The following DOCK2 variants were observed in gnomAD, a reference collection of about 807,000 sequenced individuals.
DOCK2 encodes the protein dedicator of cytokinesis 2.
In DOCK2, 87 loss-of-function variants were observed where a neutral mutation model predicts 248.9. That is an observed-to-expected ratio of 0.35 (90% confidence interval 0.29 to 0.42). DOCK2 has a LOEUF of 0.42. DOCK2 is among the 10% of genes least tolerant of loss of function. DOCK2 has a pLI of 1.00. For missense variants in DOCK2, 1,747 were observed against 2,300.2 expected (o/e 0.76, Z 4.92); for synonymous variants, 805 against 821.6 (o/e 0.98, Z 0.35).
intron 27 of DOCK2, among the ~76,000 whole-genome samples, chr5:169,847,532 A>G (rs1232487461): frequency 1.3e-5 from 2 of 152,214 alleles, no homozygotes; most frequent in African/African-American, 4.8e-5. Context: ...ATAATTGGCT[A>G]GTGACTTTAT....
At chr5:170,045,378 C>T (rs577835655) in intron 38 of DOCK2, among the ~76,000 whole-genome samples, 3 of 152,266 alleles carry the variant, frequency 2.0e-5, no homozygotes, top group East Asian at 3.9e-4. Flanking sequence ...TCACTAAACA[C>T]GAGCACGTGG....
At chr5:169,931,854 G>T (rs1276956404) in intron 27 of DOCK2, among the ~76,000 whole-genome samples, 1 of 152,212 alleles carries the variant, frequency 6.6e-6, no homozygotes, top group African/African-American at 2.4e-5. Context: ...CTTCTGAACT[G>T]CTTCCCTCCT....
rs1024610316 is a variant in DOCK2, at chr5:169,671,061, T to C, written c.225-17T>C. On this transcript the variant is annotated splice_polypyrimidine_tract_variant and intron_variant, in intron 4 of 51. Coordinates refer to ENST00000520908, the MANE Select transcript of DOCK2 (RefSeq NM_004946.3). ...TGGGTCTCAATTTCACACCACTTTT[T>C]CTCCCACCTTAAATAGAAATACTGA... 1.7e-5 allele frequency: 27 copies of C among 1,610,922 alleles called. No homozygotes were observed. Among genetic ancestry groups the C allele is most frequent in the Non-Finnish European group, 2.2e-5 (26 of 1,177,858 alleles).
intron 23 of DOCK2, among the ~76,000 whole-genome samples, chr5:169,749,294 G>T (rs756893053): frequency 6.6e-6 from 1 of 152,100 alleles, no homozygotes; most frequent in Non-Finnish European, 1.5e-5. Flanking sequence ...TCTATGGGAA[G>T]AAACCAGCAT....
intron 10 of DOCK2, among the ~76,000 whole-genome samples, chr5:169,697,833 G>C (rs1169315040): frequency 6.6e-6 from 1 of 152,060 alleles, no homozygotes; most frequent in African/African-American, 2.4e-5. Context: ...TCTTTACCTT[G>C]GTTTTGGGAC....
intron 22 of DOCK2, among the ~76,000 whole-genome samples, chr5:169,723,622 A>G (rs1018167864): frequency 1.1e-4 from 17 of 152,066 alleles, no homozygotes; most frequent in Non-Finnish European, 2.2e-4. Flanking sequence ...CTGTGGCTCA[A>G]GCTCCTTCCT....
intron 30 of DOCK2, among the ~76,000 whole-genome samples, chr5:169,999,257 A>G (rs58772180): frequency 0.026 from 3,976 of 152,242 alleles, 169 homozygotes; most frequent in African/African-American, 0.09. Context: ...GAGTGACTTT[A>G]GACAAATTAC....
At chr5:169,999,192 G>A (rs1453781907) in intron 30 of DOCK2, among the ~76,000 whole-genome samples, 2 of 152,198 alleles carry the variant, frequency 1.3e-5, no homozygotes, top group Non-Finnish European at 2.9e-5. Flanking sequence ...ATCTGTATTT[G>A]AGAGATGCTC....
intron 26 of DOCK2, among the ~76,000 whole-genome samples, chr5:169,837,272 C>A (rs183036941): frequency 2.0e-5 from 3 of 152,132 alleles, no homozygotes; most frequent in Non-Finnish European, 4.4e-5. Context: ...TACAAGCTAC[C>A]GTTTAGTTTG....
intron 27 of DOCK2, among the ~76,000 whole-genome samples, chr5:169,902,637 G>C (rs908011126): frequency 1.3e-5 from 2 of 152,204 alleles, no homozygotes; most frequent in Admixed American, 6.5e-5. Flanking sequence ...CTGGGTTCCT[G>C]GCATGATGCT....
At chr5:169,789,542 A>G (rs545303561) in intron 25 of DOCK2, among the ~76,000 whole-genome samples, 1 of 152,372 alleles carries the variant, frequency 6.6e-6, no homozygotes, top group African/African-American at 2.4e-5. Context: ...AGCTCATTAC[A>G]TGTCTTTAAC....
intron 32 of DOCK2, among the ~76,000 whole-genome samples, chr5:170,010,723 A>G (rs769797134): frequency 3.3e-5 from 5 of 152,252 alleles, no homozygotes; most frequent in Admixed American, 6.5e-5. Flanking sequence ...GATTCAGTTC[A>G]CTTCCAAGTT....
At chr5:170,011,688 A>G (rs566048326) in intron 32 of DOCK2, among the ~76,000 whole-genome samples, 2 of 152,330 alleles carry the variant, frequency 1.3e-5, no homozygotes, top group African/African-American at 4.8e-5. Context: ...CATGAGAATC[A>G]GCAGAAACAT....
At chr5:169,815,729 G>T (rs1479692177) in intron 26 of DOCK2, among the ~76,000 whole-genome samples, 21 of 152,082 alleles carry the variant, frequency 1.4e-4, no homozygotes. Flanking sequence ...TGCCCCCTAG[G>T]TTAGTGTCTA....
At chr5:169,916,389 C>T (rs1371821294) in intron 27 of DOCK2, among the ~76,000 whole-genome samples, 1 of 152,196 alleles carries the variant, frequency 6.6e-6, no homozygotes, top group African/African-American at 2.4e-5. Context: ...CAATTTCTGG[C>T]CCTCCTATCA....
intron 26 of DOCK2, among the ~76,000 whole-genome samples, chr5:169,829,848 G>A (rs180957121): frequency 6.6e-6 from 1 of 152,168 alleles, no homozygotes; most frequent in East Asian, 1.9e-4. Flanking sequence ...CTGCTTTTTT[G>A]TCTAAAGAGC....
At chr5:170,048,393 T>C (rs1348050571) in intron 40 of DOCK2, among the ~76,000 whole-genome samples, 1 of 151,972 alleles carries the variant, frequency 6.6e-6, no homozygotes, top group East Asian at 1.9e-4. Flanking sequence ...AGACCCTGTC[T>C]CAAAAAATAA....
At chr5:169,973,812 G>T (rs1396719767) in intron 27 of DOCK2, among the ~76,000 whole-genome samples, 2 of 152,090 alleles carry the variant, frequency 1.3e-5, no homozygotes, top group Non-Finnish European at 1.5e-5. Flanking sequence ...TTTACCAATT[G>T]GTCTATCTGT....
At position 170,080,192 on chromosome 5, in the gene DOCK2, C is replaced by T. The variant is rs1757978994; in HGVS notation, c.5196C>T (p.Asp1732=). 6.2e-7 allele frequency: 1 copy of T among 1,613,972 alleles called. No individual in the cohort carries two copies. The highest frequency in any genetic ancestry group is 1.7e-5 in the Admixed American group (1 of 60,006). ...RLSRKHEFMS[D]TNLSEHAAIP... is the part of the protein sequence containing the mutation. The stretch of plus-strand genomic sequence containing the variant: ...CCAGGAAGCATGAGTTCATGAGTGA[C>T]ACCAACCTCTCGGAGCATGCGGCCA... Residue 1732 remains aspartate (D), a synonymous_variant, in exon 50 of 52, where the codon GAC becomes GAT. Coordinates refer to ENST00000520908, the MANE Select transcript of DOCK2 (RefSeq NM_004946.3).
Sources: allele counts gnomAD v4.1 joint callset (sites outside exome capture counted in the v4.1 genomes callset), GRCh38; gene constraint gnomAD v4.1.1; transcripts MANE v1.5; gene names NCBI Gene and HGNC (gene_info 2026-07-23, HGNC 2026-07-21).